The following SPHKAP variants were observed in gnomAD, a reference collection of about 807,000 sequenced individuals.
SPHKAP encodes A-kinase anchor protein SPHKAP.
Under a neutral mutation model 137.5 loss-of-function variants are expected in SPHKAP, and 67 were observed. The observed-to-expected ratio is 0.49, with a 90% confidence interval of 0.40 to 0.60. The LOEUF (loss-of-function observed/expected upper bound fraction) is 0.60. Among genes scored for constraint, SPHKAP ranks in the 20% least tolerant of loss-of-function variants. The pLI is 0.00. For missense variants in SPHKAP, 2,097 were observed against 2,069.3 expected (o/e 1.01, Z -0.26); for synonymous variants, 813 against 785.3 (o/e 1.04, Z -0.59).
chr2:228,013,955 T>C (rs1694475245), intron 7 of SPHKAP, among the ~76,000 whole-genome samples: 1 of 152,170 alleles, frequency 6.6e-6, no homozygotes, highest in Admixed American at 6.5e-5. Context: ...GAAATCATGA[T>C]TTGAGAGGGT....
intron 3 of SPHKAP, among the ~76,000 whole-genome samples, chr2:228,071,950 C>T (rs923965574): frequency 6.6e-6 from 1 of 152,214 alleles, no homozygotes; most frequent in Non-Finnish European, 1.5e-5. Context: ...TCTACGGAAC[C>T]TATCTGTGTC....
intron 1 of SPHKAP, among the ~76,000 whole-genome samples, chr2:228,151,446 C>T (rs528849440): frequency 2.6e-5 from 4 of 152,096 alleles, no homozygotes; most frequent in East Asian, 1.9e-4. Flanking sequence ...TGGGTATATA[C>T]CAGTAATGGG....
At chr2:228,163,132 A>G (rs1376290414) in intron 1 of SPHKAP, among the ~76,000 whole-genome samples, 1 of 152,190 alleles carries the variant, frequency 6.6e-6, no homozygotes, top group Non-Finnish European at 1.5e-5. Flanking sequence ...TTTTAAAGTG[A>G]GCAGAAAGCA....
chr2:227,985,889 A>G (rs1693191058), intron 11 of SPHKAP, among the ~76,000 whole-genome samples: 1 of 152,250 alleles, frequency 6.6e-6, no homozygotes, highest in Non-Finnish European at 1.5e-5. Context: ...CCAAGGCAGA[A>G]TTAGATTGCA....
chr2:228,049,291 T>A (rs763954984), intron 3 of SPHKAP, among the ~76,000 whole-genome samples: 6 of 152,218 alleles, frequency 3.9e-5, no homozygotes, highest in Non-Finnish European at 7.3e-5. Context: ...CTATTTAAAA[T>A]CTTTTAAATA....
chr2:228,115,369 T>G (rs1698676055), intron 2 of SPHKAP, among the ~76,000 whole-genome samples: 1 of 152,098 alleles, frequency 6.6e-6, no homozygotes, highest in Admixed American at 6.6e-5. Context: ...CCACTTCCAG[T>G]GCCTGAAAGA....
rs1694667159 is a variant in SPHKAP at position 228,017,793 on chromosome 2, C to T, written c.3061G>A (p.Val1021Ile). 2 of 1,614,150 alleles carry T rather than the reference C, an allele frequency of 1.2e-6. No homozygotes were observed. Among genetic ancestry groups the T allele is most frequent in the East Asian group, 2.2e-5 (1 of 44,864 alleles). ...PELKEKLMNR[V>I]VDESMNLEDV... ...TCAAGGTTCATGGACTCATCCACAA[C>T]CCTGTTCATCAGCTTTTCTTTAAGC... Residue 1021 changes from valine to isoleucine, a missense_variant, in exon 7 of 12, where the codon GTT (valine) becomes ATT (isoleucine). By Grantham distance (29) the Val-to-Ile change is conservative. Transcript: ENST00000392056.
intron 2 of SPHKAP, among the ~76,000 whole-genome samples, chr2:228,116,989 A>C (rs1698732657): frequency 6.6e-6 from 1 of 152,110 alleles, no homozygotes; most frequent in Admixed American, 6.6e-5. Context: ...CCCAACCCTC[A>C]AGATATAACT....
At chr2:228,043,133 T>C (rs1296897732) in intron 3 of SPHKAP, among the ~76,000 whole-genome samples, 5 of 152,346 alleles carry the variant, frequency 3.3e-5, no homozygotes, top group Non-Finnish European at 7.3e-5. Flanking sequence ...AGAGAACTTA[T>C]AGACCTGCAG....
chr2:228,082,031 T>C (rs1325517041), intron 3 of SPHKAP, among the ~76,000 whole-genome samples: 1 of 152,176 alleles, frequency 6.6e-6, no homozygotes, highest in Non-Finnish European at 1.5e-5. Flanking sequence ...TAGACATATA[T>C]CAAAACAGCA....
intron 7 of SPHKAP, chr2:227,996,095 T>C (rs1693632418): frequency 1.0e-6 from 1 of 984,644 alleles, no homozygotes; most frequent in Non-Finnish European, 1.2e-6. Flanking sequence ...CAATCACTCC[T>C]GGTTGATTCT....
rs1574789165 is a variant in SPHKAP, at chr2:228,040,918, C to T, written c.247-13375G>A. On this transcript the variant is annotated intron_variant, in intron 3 of 11. Transcript: ENST00000392056. ...TTTAGATTTCCATTTTAAAGAACTG[C>T]TAGTAGCAAGTGTTTCCTTCCTGAA... 2.0e-5 allele frequency among the ~76,000 whole-genome samples: 3 copies of T among 152,122 alleles called. No homozygotes were observed. The East Asian group carries it at 5.8e-4, about 29-fold the overall frequency.
chr2:228,022,330 T>C, intron 5 of SPHKAP: 1 of 270,942 alleles, frequency 3.7e-6, no homozygotes, highest in Non-Finnish European at 5.7e-6. Flanking sequence ...ACAACTCCAC[T>C]GAAACAAAAG....
chr2:227,993,823 T>C (rs146432906), intron 8 of SPHKAP, among the ~76,000 whole-genome samples: 255 of 152,182 alleles, frequency 1.7e-3, no homozygotes, highest in Non-Finnish European at 2.8e-3. Flanking sequence ...GCTCAGCAGA[T>C]AATAATAATA....
intron 1 of SPHKAP, among the ~76,000 whole-genome samples, chr2:228,132,908 G>T (rs1699301059): frequency 6.6e-6 from 1 of 152,016 alleles, no homozygotes; most frequent in Non-Finnish European, 1.5e-5. Context: ...GGAGGCTGAG[G>T]TATGAGAATC....
intron 7 of SPHKAP, among the ~76,000 whole-genome samples, chr2:228,010,525 C>G (rs1312338080): frequency 6.6e-6 from 1 of 152,126 alleles, no homozygotes; most frequent in African/African-American, 2.4e-5. Context: ...GAGCGAAACT[C>G]CATCTCAAAA....
At chr2:227,989,736 G>T (rs946924116) in intron 11 of SPHKAP, among the ~76,000 whole-genome samples, 1 of 151,476 alleles carries the variant, frequency 6.6e-6, no homozygotes, top group African/African-American at 2.4e-5. Context: ...CTCCCGAGTA[G>T]CCAGGATTAC....
chr2:228,039,076 A>G (rs758903042), intron 3 of SPHKAP, among the ~76,000 whole-genome samples: 1 of 152,156 alleles, frequency 6.6e-6, no homozygotes, highest in Non-Finnish European at 1.5e-5. Flanking sequence ...AGGTGCTAAC[A>G]TTTTTCTTGG....
At position 228,016,780 on chromosome 2, in the gene SPHKAP, A is replaced by G; in HGVS notation, c.4074T>C (p.Ser1358=). 1 of 1,614,004 alleles carries G rather than the reference A, an allele frequency of 6.2e-7. No individual in the cohort carries two copies. Among genetic ancestry groups the G allele is most frequent in the South Asian group, 1.1e-5 (1 of 91,062 alleles). The change falls in exon 7 of 12, where the codon AGT becomes AGC. Residue 1358 remains serine (S), a synonymous_variant. Coordinates refer to ENST00000392056, the MANE Select transcript of SPHKAP (RefSeq NM_001142644.2). ...ACTCCTGAACAAGCAGAGTTGGCCC[A>G]CTGCACATCCTGCTCGCAGCTAATC... ...ANRLAASRMC[S]GPTLLVQESL...
Sources: gnomAD v4.1 joint callset for allele counts (sites outside exome capture counted in the v4.1 genomes callset) on GRCh38, gnomAD v4.1.1 for gene constraint, MANE v1.5 for transcripts, NCBI Gene and HGNC (gene_info 2026-07-23, HGNC 2026-07-21) for gene names.